The following SLX9 variants were observed in gnomAD, a reference collection of about 807,000 sequenced individuals.
The protein encoded by SLX9 is SLX9 ribosome biogenesis factor.
In SLX9, 19 loss-of-function variants were observed where a neutral mutation model predicts 20.8. That is an observed-to-expected ratio of 0.91 (90% CI 0.64 to 1.34). The LOEUF (loss-of-function observed/expected upper bound fraction) is 1.34. Ranked by LOEUF, SLX9 falls within the 40% of genes most tolerant of loss-of-function variation. SLX9 has a pLI of 0.00. For missense variants in SLX9, 299 were observed against 322.2 expected, an observed-to-expected ratio of 0.93 and a Z score of 0.55; for synonymous variants, 113 against 137.1, an observed-to-expected ratio of 0.82 and a Z score of 1.23.
At chr21:44,957,451 ATCC>A (rs2084878968) in intron 2 of SLX9, among the ~76,000 whole-genome samples, 1 of 152,104 alleles carries the variant, frequency 6.6e-6, no homozygotes, top group Non-Finnish European at 1.5e-5. Context: ...GCTTCTCCTC[ATCC>A]TCCTCCTCTT....
In SLX9 at chr21:44,963,809, A is replaced by G. The variant is rs143033196; in HGVS notation, c.353-3225A>G. On this transcript the variant is annotated intron_variant, in intron 3 of 5. Transcript: ENST00000291634. ...AAAACCAGACTGTCTTGATTACCAT[A>G]GCTTTAGGATTAATCTGGAAGTCAG... 2.8e-4 allele frequency among the ~76,000 whole-genome samples: 42 copies of G among 152,328 alleles called. 1 individual carries two copies. In the East Asian group the frequency reaches 8.1e-3, roughly 29 times the overall value.
At chr21:44,947,622 T>C (rs1333175386) in intron 2 of SLX9, among the ~76,000 whole-genome samples, 1 of 146,184 alleles carries the variant, frequency 6.8e-6, no homozygotes, top group Admixed American at 7.1e-5. Context: ...CCTATGTTTT[T>C]TTTCAAGCCC....
At chr21:44,940,026 G>C (rs897578220), upstream of SLX9, 2 of 1,398,052 alleles carry the variant, frequency 1.4e-6, no homozygotes, top group African/African-American at 3.1e-5. Context: ...TCCGGGAGGC[G>C]CTCCGCACGT....
At position 44,943,869 on chromosome 21, in the gene SLX9, T is replaced by TCA. The variant is rs1568927531; in HGVS notation, c.283+32_283+33insCA. Reference sequence around the variant, plus strand: ...CAGGCTCGACGGGTTACCATGCTGATACCCAGCAGGTCTGGGATTGTTCCC... The same window carrying TCA: ...CAGGCTCGACGGGTTACCATGCTGATCAACCCAGCAGGTCTGGGATTGTTCCC... On this transcript the variant is annotated intron_variant, in intron 2 of 5. Coordinates refer to ENST00000291634, the MANE Select transcript of SLX9 (RefSeq NM_058190.4). 1.9e-6 allele frequency: 3 copies of TCA among 1,613,612 alleles called. No individual in the cohort carries two copies. In the East Asian group the frequency reaches 6.7e-5, roughly 36 times the overall value.
At chr21:44,971,694 A>G (rs1320830634) in intron 4 of SLX9, among the ~76,000 whole-genome samples, 1 of 3,566 alleles carries the variant, frequency 2.8e-4, no homozygotes, top group African/African-American at 1.3e-3. Context: ...GGGTGCACCT[A>G]GAGGAGGGGC....
intron 3 of SLX9, among the ~76,000 whole-genome samples, chr21:44,961,058 A>G (rs1239387815): frequency 6.6e-6 from 1 of 152,140 alleles, no homozygotes; most frequent in Non-Finnish European, 1.5e-5. Context: ...TATGGTTTCT[A>G]TCCCTTTTTG....
At chr21:44,944,137 G>A (rs1175302944) in intron 2 of SLX9, among the ~76,000 whole-genome samples, 3 of 152,244 alleles carry the variant, frequency 2.0e-5, no homozygotes, top group African/African-American at 7.2e-5. Context: ...TTTTCTCCGT[G>A]TGTGCTGATT....
intron 4 of SLX9, among the ~76,000 whole-genome samples, chr21:44,967,866 G>C (rs1031813555): frequency 4.6e-5 from 7 of 152,162 alleles, no homozygotes; most frequent in African/African-American, 1.7e-4. Flanking sequence ...TTGCTCTCCC[G>C]AGCTGTACCT....
chr21:44,957,797 G>T (rs917543952), intron 2 of SLX9, among the ~76,000 whole-genome samples: 1 of 152,230 alleles, frequency 6.6e-6, no homozygotes, highest in East Asian at 1.9e-4. Context: ...TCAGCCACTG[G>T]CTGGGGTTCT....
At chr21:44,951,629 T>A (rs2084758831) in intron 2 of SLX9, among the ~76,000 whole-genome samples, 1 of 152,064 alleles carries the variant, frequency 6.6e-6, no homozygotes, top group East Asian at 1.9e-4. Flanking sequence ...AATAGACAAA[T>A]ACGCAACATT....
chr21:44,941,994 G>A (rs537959577), intron 1 of SLX9, among the ~76,000 whole-genome samples: 1 of 152,360 alleles, frequency 6.6e-6, no homozygotes, highest in Middle Eastern at 3.4e-3. Context: ...GATGGGGCAG[G>A]AGCAGCTTCA....
Position 44,971,046 on chromosome 21 carries a change from CTT to C in SLX9, c.501-2150_501-2149del, listed in dbSNP as rs2085134356. Reference sequence around the variant, plus strand: ...GCTGGGAAGCAGGCATCGAGCGACACTTGACTCCGGTGACCCCCATGCTCTGG... The same window carrying C: ...GCTGGGAAGCAGGCATCGAGCGACACGACTCCGGTGACCCCCATGCTCTGG... On this transcript the variant is annotated intron_variant, in intron 4 of 5. Coordinates refer to ENST00000291634, the MANE Select transcript of SLX9 (RefSeq NM_058190.4). Among the ~76,000 whole-genome samples, 4 of 127,224 alleles carry C rather than the reference CTT, an allele frequency of 3.1e-5. No homozygotes were observed. The South Asian group carries it at 1.1e-3, about 35-fold the overall frequency. 83.5% of individuals were successfully genotyped at this position (127,224 alleles called of 152,430 possible).
chr21:44,957,741 C>T (rs1223604101), intron 2 of SLX9, among the ~76,000 whole-genome samples: 2 of 152,190 alleles, frequency 1.3e-5, no homozygotes, highest in African/African-American at 2.4e-5. Context: ...GGTCCTGTCT[C>T]GGTTTTGTGG....
rs564413366 is a variant in SLX9 at position 44,946,662 on chromosome 21, G to A, written c.283+2825G>A. 2.2e-3 allele frequency among the ~76,000 whole-genome samples: 328 copies of A among 152,352 alleles called. 1 individual carries two copies. Among genetic ancestry groups the A allele is most frequent in the Non-Finnish European group, 2.9e-3 (198 of 68,034 alleles). ...CAGGAGGCTGTCCTGTGGGAGGGGC[G>A]TTCTGAGCTCATCGCCGCGGGCCCC... On this transcript the variant is annotated intron_variant, in intron 2 of 5. Transcript: ENST00000291634.
intron 2 of SLX9, among the ~76,000 whole-genome samples, chr21:44,956,526 T>G (rs1194560987): frequency 1.3e-5 from 2 of 152,170 alleles, no homozygotes; most frequent in South Asian, 2.1e-4. Flanking sequence ...CTGGGTGGTG[T>G]TGGCAGCATC....
intron 3 of SLX9, among the ~76,000 whole-genome samples, chr21:44,960,758 C>T (rs1198319417): frequency 1.3e-5 from 2 of 152,238 alleles, no homozygotes; most frequent in Non-Finnish European, 2.9e-5. Flanking sequence ...TGCACGTCTC[C>T]GCAGGCTGAA....
intron 2 of SLX9, among the ~76,000 whole-genome samples, chr21:44,947,078 A>G (rs1196848487): frequency 6.6e-6 from 1 of 152,048 alleles, no homozygotes; most frequent in Non-Finnish European, 1.5e-5. Context: ...GCTCCTCACC[A>G]TGTTCCTCCC....
chr21:44,953,933 A>G (rs900661346), intron 2 of SLX9, among the ~76,000 whole-genome samples: 1 of 152,144 alleles, frequency 6.6e-6, no homozygotes, highest in Non-Finnish European at 1.5e-5. Context: ...CATCATGACC[A>G]TGCCATGTAT....
At chr21:44,969,129 G>T in intron 4 of SLX9, 1 of 469,958 alleles carries the variant, frequency 2.1e-6, no homozygotes, top group Non-Finnish European at 4.4e-6. Flanking sequence ...GCTGTGTGCA[G>T]TGTCAAACCT....
Sources: gnomAD v4.1 joint callset for allele counts (sites outside exome capture counted in the v4.1 genomes callset) on GRCh38, gnomAD v4.1.1 for gene constraint, MANE v1.5 for transcripts, NCBI Gene and HGNC (gene_info 2026-07-23, HGNC 2026-07-21) for gene names.